The following ARHGAP6 variants were observed in gnomAD, a reference collection of about 807,000 sequenced individuals.
ARHGAP6 encodes rho GTPase-activating protein 6.
A neutral mutation model predicts 55.7 loss-of-function variants in ARHGAP6; 16 were observed. The ratio of observed to expected loss-of-function variants is 0.29; its 90% CI spans 0.19 to 0.44. ARHGAP6 has a LOEUF of 0.44. Ranked by LOEUF, ARHGAP6 falls within the 20% of genes least tolerant of loss-of-function variation. The pLI, the probability that ARHGAP6 is intolerant of heterozygous loss-of-function variation, is 1.00. For missense variants in ARHGAP6, 698 were observed against 808.9 expected (o/e 0.86, Z 1.66); for synonymous variants, 382 against 360.9 (o/e 1.06, Z -0.66).
chrX:11,387,219 C>T (rs2049339080), intron 1 of ARHGAP6, among the ~76,000 whole-genome samples: 1 of 111,968 alleles, frequency 8.9e-6, no homozygotes, highest in Admixed American at 9.4e-5. Flanking sequence ...TCAACCCTGA[C>T]TGCACTCTAG....
intron 2 of ARHGAP6, chrX:11,225,707 T>C (rs771199208): frequency 3.1e-4 from 210 of 675,797 alleles, no homozygotes; most frequent in Non-Finnish European, 4.4e-4. Flanking sequence ...GGCAACAAGA[T>C]GGGAAAGGAA....
chrX:11,400,323 CA>C (rs2049532037), intron 1 of ARHGAP6, among the ~76,000 whole-genome samples: 2 of 110,370 alleles, frequency 1.8e-5, no homozygotes, highest in South Asian at 7.9e-4. Flanking sequence ...TAGAGGCTTC[CA>C]GGGGGAGGGG....
At chrX:11,646,486 G>A (rs1479618225) in intron 1 of ARHGAP6, among the ~76,000 whole-genome samples, 1 of 111,665 alleles carries the variant, frequency 9.0e-6, no homozygotes, top group Admixed American at 9.5e-5. Flanking sequence ...AGATTCCAAG[G>A]TTACAAAAAT....
chrX:11,298,238 GC>G (rs1338353506), intron 1 of ARHGAP6: 1 of 1,211,167 alleles, frequency 8.3e-7, no homozygotes, highest in Non-Finnish European at 1.1e-6. Context: ...CTCTTAAGGT[GC>G]TTACCCCTTT....
At chrX:11,162,333 G>GCC (rs143136866) in intron 9 of ARHGAP6, among the ~76,000 whole-genome samples, 12,439 of 78,015 alleles carry the variant, frequency 0.16, 1,422 homozygotes, top group Non-Finnish European at 0.23. Context: ...CTGAAACTGT[G>GCC]CCCCCCCCCC....
At chrX:11,611,135 T>C (rs774982034) in intron 1 of ARHGAP6, among the ~76,000 whole-genome samples, 2 of 112,753 alleles carry the variant, frequency 1.8e-5, no homozygotes, top group Non-Finnish European at 3.7e-5. Flanking sequence ...TAAACATTTG[T>C]GTGCAACTTT....
intron 1 of ARHGAP6, among the ~76,000 whole-genome samples, chrX:11,260,962 C>A (rs2047554134): frequency 9.0e-6 from 1 of 110,899 alleles, no homozygotes; most frequent in South Asian, 4.0e-4. Context: ...AGGGCAAGAC[C>A]CTTGTCTGGC....
At chrX:11,634,121 G>A (rs1569067009) in intron 1 of ARHGAP6, among the ~76,000 whole-genome samples, 1 of 104,900 alleles carries the variant, frequency 9.5e-6, no homozygotes, top group African/African-American at 3.5e-5. Flanking sequence ...TGTCTCCCAG[G>A]CTCCCAAAGG....
At chrX:11,422,490 C>T (rs2049834181) in intron 1 of ARHGAP6, among the ~76,000 whole-genome samples, 1 of 111,692 alleles carries the variant, frequency 9.0e-6, no homozygotes. Context: ...GAATGGAAAC[C>T]AACCAAAGAG....
At chrX:11,269,225 T>G (rs1443773457) in intron 1 of ARHGAP6, among the ~76,000 whole-genome samples, 1 of 111,575 alleles carries the variant, frequency 9.0e-6, no homozygotes, top group Non-Finnish European at 1.9e-5. Flanking sequence ...TCTGGAGCCC[T>G]TGCGCTTGAA....
At chrX:11,362,803 C>T (rs761540452) in intron 1 of ARHGAP6, among the ~76,000 whole-genome samples, 18 of 111,319 alleles carry the variant, frequency 1.6e-4, no homozygotes, top group East Asian at 5.6e-4. Context: ...CTGCCTCCTT[C>T]GGCACCAGTC....
chrX:11,304,782 T>TC (rs1321542571), intron 1 of ARHGAP6, among the ~76,000 whole-genome samples: 2 of 71,248 alleles, frequency 2.8e-5, no homozygotes, highest in East Asian at 8.0e-4. Flanking sequence ...TTTTACTTTT[T>TC]TTTTTTTTTT....
At chrX:11,434,257 T>C (rs1340904310) in intron 1 of ARHGAP6, among the ~76,000 whole-genome samples, 1 of 111,885 alleles carries the variant, frequency 8.9e-6, no homozygotes, top group African/African-American at 3.2e-5. Flanking sequence ...TTTAATAATT[T>C]CCACTTAGCA....
At chrX:11,413,907 G>C (rs1416800762) in intron 1 of ARHGAP6, among the ~76,000 whole-genome samples, 3 of 111,941 alleles carry the variant, frequency 2.7e-5, no homozygotes, top group Non-Finnish European at 3.8e-5. Context: ...GGAAGCCTTA[G>C]AGTAAAAATT....
chrX:11,355,697 G>A (rs2048922356), intron 1 of ARHGAP6, among the ~76,000 whole-genome samples: 1 of 111,496 alleles, frequency 9.0e-6, no homozygotes, highest in African/African-American at 3.3e-5. Flanking sequence ...TCCTGTTTTG[G>A]GTGAGTGGCC....
chrX:11,193,471 C>T (rs2046488685), intron 3 of ARHGAP6, among the ~76,000 whole-genome samples: 1 of 113,120 alleles, frequency 8.8e-6, no homozygotes, highest in South Asian at 3.6e-4. Flanking sequence ...TAATGACTCT[C>T]AGTGTTGACA....
chrX:11,392,045 A>T (rs756132744), intron 1 of ARHGAP6, among the ~76,000 whole-genome samples: 1 of 112,245 alleles, frequency 8.9e-6, no homozygotes, highest in Non-Finnish European at 1.9e-5. Context: ...GCATTCCTCA[A>T]ATAAGGAATT....
At chrX:11,591,061 G>A (rs769750055) in intron 1 of ARHGAP6, among the ~76,000 whole-genome samples, 65 of 108,189 alleles carry the variant, frequency 6.0e-4, no homozygotes, top group African/African-American at 1.9e-3. Context: ...GCGTGGTGGC[G>A]GGCGCCTGTA....
intron 1 of ARHGAP6, among the ~76,000 whole-genome samples, chrX:11,347,908 A>G (rs1174931399): frequency 4.5e-5 from 5 of 111,886 alleles, no homozygotes; most frequent in Non-Finnish European, 9.4e-5. Flanking sequence ...AGGAACTATG[A>G]CAAACTACAG....
Sources: allele counts gnomAD v4.1 joint callset (sites outside exome capture counted in the v4.1 genomes callset), GRCh38; gene constraint gnomAD v4.1.1; transcripts MANE v1.5; gene names NCBI Gene and HGNC (gene_info 2026-07-23, HGNC 2026-07-21).